The following FBXO34 variants were observed in gnomAD, a reference collection of about 807,000 sequenced individuals.
FBXO34 encodes the protein F-box protein 34.
FBXO34 carries 12 observed loss-of-function variants against 24.5 expected under a neutral mutation model. The ratio of observed to expected loss-of-function variants is 0.49; its 90% CI spans 0.31 to 0.79. FBXO34 has a LOEUF of 0.79. Ranked by LOEUF, FBXO34 falls within the 30% of genes least tolerant of loss-of-function variation. The pLI is 0.04. For synonymous variants in FBXO34, 320 were observed against 311.9 expected (o/e 1.03, Z -0.27); for missense variants, 823 against 857.7 (o/e 0.96, Z 0.51).
At chr14:55,411,663 T>C in the FBXO34 span, 1 of 1,613,456 alleles carries the variant, frequency 6.2e-7, no homozygotes, top group Non-Finnish European at 8.5e-7. Flanking sequence ...TTGGCGCAGG[T>C]CAGCCGCCGG....
the FBXO34 span, chr14:55,439,031 G>C: frequency 3.3e-5 from 5 of 150,436 alleles, no homozygotes; most frequent in African/African-American, 7.4e-5. Context: ...TCTTCCTCCT[G>C]GATGCAAGCA....
chr14:55,308,769 C>A (rs1016371619), intron 1 of FBXO34, among the ~76,000 whole-genome samples: 3 of 152,176 alleles, frequency 2.0e-5, no homozygotes, highest in Non-Finnish European at 4.4e-5. Flanking sequence ...ACCAAGAGCT[C>A]TCAGTACCTC....
At chr14:55,408,031 T>A in the FBXO34 span, among the ~76,000 whole-genome samples, 1 of 152,188 alleles carries the variant, frequency 6.6e-6, no homozygotes, top group Non-Finnish European at 1.5e-5. Flanking sequence ...GATGAACTTA[T>A]TTGAGTGCGT....
chr14:55,282,246 G>A lies in FBXO34; in HGVS notation c.-11+10709G>A, dbSNP rs183428435. The A allele has an allele frequency of 5.9e-4, 181 of 305,934 alleles. 2 individuals carry two copies. The East Asian group carries it at 0.014, about 24-fold the overall frequency. The allele number at this position is 305,934 out of a possible 1,614,324, so 19.0% of individuals were successfully genotyped here. On this transcript the variant is annotated intron_variant, in intron 1 of 1. Coordinates refer to ENST00000313833, the MANE Select transcript of FBXO34 (RefSeq NM_017943.4). ...CTTACCTCATGATCCGCCCGCCTCA[G>A]CCTCCCAAAGTGCTGGGATTACAGG...
intron 1 of FBXO34, among the ~76,000 whole-genome samples, chr14:55,282,923 G>T (rs919430480): frequency 4.6e-5 from 7 of 152,150 alleles, no homozygotes; most frequent in Non-Finnish European, 8.8e-5. Context: ...TTGCTTTATT[G>T]TCCAGAAACC....
intron 1 of FBXO34, among the ~76,000 whole-genome samples, chr14:55,332,067 C>T (rs1420421189): frequency 1.6e-5 from 2 of 122,688 alleles, no homozygotes; most frequent in Non-Finnish European, 3.3e-5. Flanking sequence ...TATATACCAC[C>T]GTGGTGGTAT....
At chr14:55,323,225 ATTT>A (rs1194283087) in intron 1 of FBXO34, among the ~76,000 whole-genome samples, 20 of 19,186 alleles carry the variant, frequency 1.0e-3, no homozygotes, top group East Asian at 4.2e-3. Flanking sequence ...AAAAATATAT[ATTT>A]TTTTTTTTTT....
At chr14:55,357,653 C>CA (rs1312933845), downstream of FBXO34, among the ~76,000 whole-genome samples, 1 of 151,966 alleles carries the variant, frequency 6.6e-6, no homozygotes, top group Non-Finnish European at 1.5e-5. Context: ...TGTCGTTGTA[C>CA]AAAAAATAAA....
At chr14:55,284,708 C>T (rs1881699004) in intron 1 of FBXO34, among the ~76,000 whole-genome samples, 1 of 148,360 alleles carries the variant, frequency 6.7e-6, no homozygotes, top group South Asian at 2.2e-4. Flanking sequence ...CTCAACCACC[C>T]AGGCTCAAGC....
intron 3 of FBXO34, among the ~76,000 whole-genome samples, chr14:55,361,108 G>C (rs10147765): frequency 6.6e-6 from 1 of 152,004 alleles, no homozygotes; most frequent in African/African-American, 2.4e-5. Context: ...ACTTTGCCCA[G>C]ATCCATCAGA....
At chr14:55,422,391 G>A in the FBXO34 span, among the ~76,000 whole-genome samples, 15 of 152,238 alleles carry the variant, frequency 9.9e-5, no homozygotes, top group South Asian at 2.5e-3. Context: ...GATTACAGGC[G>A]CTTGCCACTA....
chr14:55,371,006 C>A (rs940000629), downstream of FBXO34, among the ~76,000 whole-genome samples: 17 of 152,124 alleles, frequency 1.1e-4, no homozygotes, highest in Non-Finnish European at 2.5e-4. Context: ...GGCAGCCAGG[C>A]TGCATGTCCT....
At chr14:55,426,673 A>T in the FBXO34 span, among the ~76,000 whole-genome samples, 1 of 152,116 alleles carries the variant, frequency 6.6e-6, no homozygotes, top group Non-Finnish European at 1.5e-5. Context: ...GACTAGAAAT[A>T]GAAAGTTGTG....
chr14:55,385,301 T>C, the FBXO34 span, among the ~76,000 whole-genome samples: 1 of 152,126 alleles, frequency 6.6e-6, no homozygotes, highest in Non-Finnish European at 1.5e-5. Context: ...TTTTTTTTGT[T>C]TGTTTCTTTG....
intron 1 of FBXO34, among the ~76,000 whole-genome samples, chr14:55,301,851 G>C (rs910646804): frequency 1.3e-5 from 2 of 152,204 alleles, no homozygotes; most frequent in Admixed American, 1.3e-4. Context: ...GTCATGTCAT[G>C]TGTACCATAC....
rs774274718 is a variant in FBXO34, at chr14:55,350,943, G to A, written c.553G>A (p.Glu185Lys). Residue 185 changes from glutamate (E) to lysine (K), a missense_variant, in exon 2 of 2, where the codon GAG (glutamate) becomes AAG (lysine). Physicochemically the swap from Glu to Lys is moderately conservative, Grantham distance 56. Transcript: ENST00000313833. Reference sequence around the variant, plus strand: ...ACCTGAGCCTTTTGCATGTGGCATTGAGCACTGTTCTGTGCACTATGTGAG... The same window carrying A: ...ACCTGAGCCTTTTGCATGTGGCATTAAGCACTGTTCTGTGCACTATGTGAG... ...YQPEPFACGI[E>K]HCSVHYVSDS... is the part of the protein sequence containing the mutation. The A allele has an allele frequency of 6.2e-7, 1 of 1,613,996 alleles. No homozygotes were observed. The highest frequency in any genetic ancestry group is 1.3e-5 in the African/African-American group (1 of 74,934).
intron 1 of FBXO34, among the ~76,000 whole-genome samples, chr14:55,303,431 A>C (rs1356201924): frequency 1.3e-5 from 2 of 152,164 alleles, no homozygotes; most frequent in Non-Finnish European, 2.9e-5. Flanking sequence ...TATAGGACTT[A>C]AGATGCTATT....
chr14:55,441,951 C>G, the FBXO34 span, among the ~76,000 whole-genome samples: 2 of 151,160 alleles, frequency 1.3e-5, no homozygotes. Flanking sequence ...TTAGTAGAGA[C>G]GAGTTTTCAC....
chr14:55,427,880 CTTTTT>C, the FBXO34 span, among the ~76,000 whole-genome samples: 3 of 130,888 alleles, frequency 2.3e-5, no homozygotes, highest in Admixed American at 7.9e-5. Flanking sequence ...GTTAGGATTG[CTTTTT>C]TTTTTTTTTT....
Sources: gnomAD v4.1 joint callset for allele counts (sites outside exome capture counted in the v4.1 genomes callset) on GRCh38, gnomAD v4.1.1 for gene constraint, MANE v1.5 for transcripts, NCBI Gene and HGNC (gene_info 2026-07-23, HGNC 2026-07-21) for gene names.